The following HSF2BP variants were observed in gnomAD, a reference collection of about 807,000 sequenced individuals.
HSF2BP encodes heat shock factor 2-binding protein.
In HSF2BP, 35 loss-of-function variants were observed where a neutral mutation model predicts 35.0. The observed-to-expected ratio is 1.00, with a 90% CI of 0.76 to 1.32. HSF2BP has a LOEUF of 1.32. Among genes scored for constraint, HSF2BP ranks in the 40% most tolerant of loss-of-function variants. The probability of loss-of-function intolerance (pLI) is 0.00; values close to 1 mark genes in which losing one functional copy is unlikely to be tolerated. For missense variants in HSF2BP, 326 were observed against 321.7 expected (o/e 1.01, Z -0.10); for synonymous variants, 114 against 117.4 (o/e 0.97, Z 0.18).
chr21:43,578,783 T>C (rs2081679949), intron 8 of HSF2BP, among the ~76,000 whole-genome samples: 1 of 152,310 alleles, frequency 6.6e-6, no homozygotes, highest in East Asian at 1.9e-4. Context: ...GCCTACCCTG[T>C]GCTGTTTCTG....
intron 7 of HSF2BP, among the ~76,000 whole-genome samples, chr21:43,608,136 A>AT (rs2082157736): frequency 6.6e-6 from 1 of 152,022 alleles, no homozygotes; most frequent in East Asian, 1.9e-4. Context: ...AGCAAAAAAA[A>AT]CTATCAACAG....
intron 8 of HSF2BP, among the ~76,000 whole-genome samples, chr21:43,582,148 T>A (rs1188172824): frequency 1.5e-4 from 9 of 60,948 alleles, no homozygotes; most frequent in Admixed American, 2.1e-4. Flanking sequence ...GGGCCTGCTG[T>A]GGGGAATGAG....
intron 6 of HSF2BP, among the ~76,000 whole-genome samples, chr21:43,628,973 C>T (rs139144768): frequency 0.041 from 6,228 of 152,212 alleles, 439 homozygotes; most frequent in African/African-American, 0.14. Flanking sequence ...TTGAGACCTA[C>T]TGCTCAGAAA....
intron 3 of HSF2BP, among the ~76,000 whole-genome samples, chr21:43,650,063 CT>C (rs2082762345): frequency 2.0e-5 from 3 of 152,214 alleles, no homozygotes; most frequent in South Asian, 4.1e-4. Context: ...TCCAAAATCC[CT>C]GATACTAAAT....
chr21:43,577,918 C>T (rs956492504), intron 8 of HSF2BP, among the ~76,000 whole-genome samples: 4 of 151,890 alleles, frequency 2.6e-5, no homozygotes, highest in African/African-American at 9.7e-5. Flanking sequence ...ATATTCTCCC[C>T]GCCCTTGAGA....
At chr21:43,578,351 G>A (rs1239756982) in intron 8 of HSF2BP, among the ~76,000 whole-genome samples, 3 of 151,130 alleles carry the variant, frequency 2.0e-5, no homozygotes, top group East Asian at 1.9e-4. Flanking sequence ...CCCTAGAGAT[G>A]TGTGTGTGTG....
intron 8 of HSF2BP, among the ~76,000 whole-genome samples, chr21:43,575,376 C>T (rs1396092097): frequency 6.6e-6 from 1 of 152,182 alleles, no homozygotes; most frequent in Non-Finnish European, 1.5e-5. Flanking sequence ...GAATTACACC[C>T]GCCACCTAAG....
At chr21:43,609,525 C>G (rs2082176988) in intron 7 of HSF2BP, among the ~76,000 whole-genome samples, 1 of 152,040 alleles carries the variant, frequency 6.6e-6, no homozygotes, top group African/African-American at 2.4e-5. Context: ...AATGAGTGAC[C>G]TTCGATCATG....
intron 7 of HSF2BP, among the ~76,000 whole-genome samples, chr21:43,598,016 A>G (rs1441878639): frequency 1.3e-5 from 2 of 152,204 alleles, no homozygotes; most frequent in Non-Finnish European, 2.9e-5. Flanking sequence ...GTCAAAAGCA[A>G]GCTCCGTGCC....
At chr21:43,639,919 T>C (rs1008229073) in intron 4 of HSF2BP, among the ~76,000 whole-genome samples, 3 of 152,254 alleles carry the variant, frequency 2.0e-5, no homozygotes, top group East Asian at 1.9e-4. Flanking sequence ...TTACAACATA[T>C]TGCAAACAAA....
At chr21:43,592,541 T>C (rs1380200466) in intron 7 of HSF2BP, among the ~76,000 whole-genome samples, 2 of 152,212 alleles carry the variant, frequency 1.3e-5, no homozygotes, top group African/African-American at 2.4e-5. Flanking sequence ...CCGCCTTTCA[T>C]AGCCTCACAT....
chr21:43,630,691 T>A (rs1289475393), intron 5 of HSF2BP, among the ~76,000 whole-genome samples: 1 of 152,116 alleles, frequency 6.6e-6, no homozygotes, highest in East Asian at 1.9e-4. Context: ...ATAGGACAAA[T>A]GTACATGATG....
intron 4 of HSF2BP, among the ~76,000 whole-genome samples, chr21:43,637,502 TAAATA>T (rs1329746751): frequency 2.0e-5 from 3 of 151,542 alleles, no homozygotes; most frequent in African/African-American, 7.3e-5. Flanking sequence ...AATAAATAAA[TAAATA>T]AATAAAAATT....
chr21:43,610,902 A>C (rs942767180), intron 7 of HSF2BP, among the ~76,000 whole-genome samples: 1 of 152,204 alleles, frequency 6.6e-6, no homozygotes, highest in African/African-American at 2.4e-5. Context: ...GTAAAACCCG[A>C]AAGTAACTTA....
intron 7 of HSF2BP, among the ~76,000 whole-genome samples, chr21:43,593,996 C>G (rs1341140147): frequency 6.6e-6 from 1 of 152,112 alleles, no homozygotes; most frequent in Non-Finnish European, 1.5e-5. Context: ...ACATCACAAT[C>G]AAACTTTAGA....
At chr21:43,610,724 G>A (rs1338082155) in intron 7 of HSF2BP, among the ~76,000 whole-genome samples, 2 of 152,192 alleles carry the variant, frequency 1.3e-5, no homozygotes, top group African/African-American at 4.8e-5. Flanking sequence ...CTGACATGGT[G>A]CAGGTAGAAA....
At chr21:43,585,312 ATAAG>A (rs1332459964) in intron 8 of HSF2BP, among the ~76,000 whole-genome samples, 1 of 152,186 alleles carries the variant, frequency 6.6e-6, no homozygotes, top group African/African-American at 2.4e-5. Flanking sequence ...ACTGTATCAA[ATAAG>A]TAAGTAAAAT....
At chr21:43,575,446 G>A (rs2081630926) in intron 8 of HSF2BP, among the ~76,000 whole-genome samples, 1 of 152,202 alleles carries the variant, frequency 6.6e-6, no homozygotes, top group African/African-American at 2.4e-5. Flanking sequence ...GCAAGAAGTG[G>A]GGAGCTGATA....
intron 7 of HSF2BP, among the ~76,000 whole-genome samples, chr21:43,600,309 A>T (rs1459643154): frequency 6.6e-6 from 1 of 152,228 alleles, no homozygotes; most frequent in Non-Finnish European, 1.5e-5. Flanking sequence ...AAAACAAACT[A>T]GCAATAAAAA....
Sources: allele counts gnomAD v4.1 joint callset (sites outside exome capture counted in the v4.1 genomes callset), GRCh38; gene constraint gnomAD v4.1.1; transcripts MANE v1.5; gene names NCBI Gene and HGNC (gene_info 2026-07-23, HGNC 2026-07-21).